NCKAP5: variants seen among roughly 807,000 people sequenced by gnomAD.
The protein encoded by NCKAP5 is NCK associated protein 5.
A neutral mutation model predicts 167.0 loss-of-function variants in NCKAP5; 92 were observed. That is an observed-to-expected ratio of 0.55 (90% CI 0.47 to 0.66). The LOEUF is 0.66. Ranked by LOEUF, NCKAP5 falls within the 30% of genes least tolerant of loss-of-function variation. The pLI is 0.00. For missense variants in NCKAP5, 2,378 were observed against 2,315.0 expected, an observed-to-expected ratio of 1.03 and a Z score of -0.56; for synonymous variants, 891 against 877.4, an observed-to-expected ratio of 1.02 and a Z score of -0.27.
At chr2:132,881,571 T>TTC (rs1491006185) in intron 8 of NCKAP5, among the ~76,000 whole-genome samples, 4 of 137,440 alleles carry the variant, frequency 2.9e-5, no homozygotes, top group Non-Finnish European at 6.4e-5. Context: ...TTTTTTTTTT[T>TTC]CCTTTCTGAG....
intron 12 of NCKAP5, among the ~76,000 whole-genome samples, chr2:132,791,182 C>T (rs1312298025): frequency 6.6e-6 from 1 of 152,238 alleles, no homozygotes. Flanking sequence ...TGGCATCATA[C>T]TAAGTCCACA....
intron 4 of NCKAP5, among the ~76,000 whole-genome samples, chr2:133,279,702 A>G (rs933308412): frequency 5.3e-5 from 8 of 152,244 alleles, no homozygotes; most frequent in Non-Finnish European, 1.2e-4. Context: ...CTTTTCAGCC[A>G]CAACTGAGCA....
intron 3 of NCKAP5, among the ~76,000 whole-genome samples, chr2:133,414,891 T>C (rs769189909): frequency 1.8e-4 from 27 of 152,246 alleles, no homozygotes; most frequent in Non-Finnish European, 3.1e-4. Flanking sequence ...TTAAATTACA[T>C]TTAAAATTCA....
At chr2:133,258,670 A>G (rs1029007031) in intron 4 of NCKAP5, among the ~76,000 whole-genome samples, 4 of 151,912 alleles carry the variant, frequency 2.6e-5, no homozygotes, top group African/African-American at 9.7e-5. Context: ...ACTTGAGCCC[A>G]GGGAGGTTGA....
chr2:132,849,618 A>G (rs903781300), intron 11 of NCKAP5, among the ~76,000 whole-genome samples: 18 of 152,192 alleles, frequency 1.2e-4, no homozygotes, highest in African/African-American at 4.3e-4. Flanking sequence ...AAAGGAAAGA[A>G]CTTCTGCATT....
rs373685968 is a variant in NCKAP5 at position 133,348,292 on chromosome 2, A to G, written c.70-45182T>C. ...GAAGTAAAAACTCATTCAAGTTTCA[A>G]ACAAGTGATCTTCAGAATATAACCA... On this transcript the variant is annotated intron_variant, in intron 3 of 19. Coordinates refer to ENST00000409261, the MANE Select transcript of NCKAP5 (RefSeq NM_207363.3). Among the ~76,000 whole-genome samples, 10 of 152,334 alleles carry G rather than the reference A, an allele frequency of 6.6e-5. No homozygotes were observed. The East Asian group carries it at 1.9e-3, about 29-fold the overall frequency.
At position 132,783,787 on chromosome 2, in the gene NCKAP5, AGGGTGAGTGAAGATAGGCTTTTTGAAG is replaced by A; in HGVS notation, c.2997_3023del (p.Phe1000_Pro1008del). On this transcript the variant is annotated inframe_deletion, in exon 14 of 20. Transcript: ENST00000409261. ...GAATGACTGCTTCTGGGGAGGGCAT[AGGGTGAGTGAAGATAGGCTTTTTGAAG>A]GCCACAGAAGGTTTCTTCCTCTGCA... 6.4e-7 allele frequency: 1 copy of A among 1,554,224 alleles called. No homozygotes were observed. Among genetic ancestry groups the A allele is most frequent in the Non-Finnish European group, 8.7e-7 (1 of 1,152,694 alleles).
At chr2:133,176,646 A>G (rs1295227627) in intron 5 of NCKAP5, among the ~76,000 whole-genome samples, 1 of 152,210 alleles carries the variant, frequency 6.6e-6, no homozygotes, top group Non-Finnish European at 1.5e-5. Flanking sequence ...CTAGTCTTTG[A>G]TTAGCAAACA....
chr2:132,762,508 C>T (rs1175280424), intron 16 of NCKAP5, among the ~76,000 whole-genome samples: 2 of 152,140 alleles, frequency 1.3e-5, no homozygotes, highest in East Asian at 1.9e-4. Flanking sequence ...TACTTTAGAG[C>T]AATAGGCCTT....
Position 132,783,048 on chromosome 2 carries a change from G to C in NCKAP5, c.3763C>G (p.Leu1255Val), listed in dbSNP as rs1230190354. The change falls in exon 14 of 20, where the codon CTT (leucine) becomes GTT (valine). Residue 1255 changes from leucine to valine, a missense_variant. By Grantham distance (32) the Leu-to-Val change is conservative. This residue lies in a region of NCKAP5 where 1,325 missense variants were observed against 1,274.5 expected (regional missense o/e 1.04). Transcript: ENST00000409261. ...TTTAGGTGTGGTTTGCTGGAGGAAA[G>C]GGATCTTCTCATGGATCTATTATCT... ...GVDNRSMRRSLSSSKPHLKPA... is the reference protein window; with the variant it reads ...GVDNRSMRRSVSSSKPHLKPA... 1.2e-6 allele frequency: 2 copies of C among 1,613,808 alleles called. No homozygotes were observed. Among genetic ancestry groups the C allele is most frequent in the Non-Finnish European group, 1.7e-6 (2 of 1,179,844 alleles).
intron 4 of NCKAP5, among the ~76,000 whole-genome samples, chr2:133,266,933 C>G (rs1236277474): frequency 1.3e-5 from 2 of 152,246 alleles, no homozygotes; most frequent in East Asian, 1.9e-4. Context: ...ATTCCCACCC[C>G]CTACCCACTC....
Position 133,427,910 on chromosome 2 carries a change from T to A in NCKAP5, c.69+89548A>T, listed in dbSNP as rs901528441. On this transcript the variant is annotated intron_variant, in intron 3 of 19. Transcript: ENST00000409261. ...TTCTGATGCATCTAGGAATAAATTT[T>A]ACCCAGATAGTTCAAAGAAGACCTA... 3.3e-5 allele frequency among the ~76,000 whole-genome samples: 5 copies of A among 152,140 alleles called. No homozygotes were observed. In the East Asian group the frequency reaches 7.7e-4, roughly 23 times the overall value.
At chr2:132,778,492 C>A (rs1682742948) in intron 15 of NCKAP5, among the ~76,000 whole-genome samples, 1 of 151,880 alleles carries the variant, frequency 6.6e-6, no homozygotes, top group South Asian at 2.1e-4. Context: ...ACTAAAAATG[C>A]CTTAGGACTC....
At chr2:133,147,712 T>G (rs2083249811) in intron 5 of NCKAP5, among the ~76,000 whole-genome samples, 1 of 152,068 alleles carries the variant, frequency 6.6e-6, no homozygotes, top group African/African-American at 2.4e-5. Context: ...TCCCCATGGG[T>G]ACACCCTGAC....
chr2:132,985,907 TTGTG>T (rs2077274067), intron 7 of NCKAP5, among the ~76,000 whole-genome samples: 1 of 152,308 alleles, frequency 6.6e-6, no homozygotes, highest in Admixed American at 6.5e-5. Flanking sequence ...TATAACCTTA[TTGTG>T]TATTAAAATG....
intron 3 of NCKAP5, among the ~76,000 whole-genome samples, chr2:133,477,031 C>A (rs1217321626): frequency 6.6e-6 from 1 of 152,206 alleles, no homozygotes; most frequent in Non-Finnish European, 1.5e-5. Flanking sequence ...TCTCACACAT[C>A]CGCTTTTGTT....
intron 3 of NCKAP5, among the ~76,000 whole-genome samples, chr2:133,376,714 C>G (rs150621327): frequency 2.8e-4 from 42 of 152,284 alleles, no homozygotes; most frequent in African/African-American, 9.4e-4. Context: ...CATTTGGGCC[C>G]TATGTGCCTT....
chr2:133,104,992 C>T (rs2081635131), intron 6 of NCKAP5, among the ~76,000 whole-genome samples: 1 of 152,216 alleles, frequency 6.6e-6, no homozygotes, highest in African/African-American at 2.4e-5. Flanking sequence ...CGCCTGCTCA[C>T]ACTCTCTCCC....
At chr2:133,317,923 G>C (rs1265952641) in intron 3 of NCKAP5, among the ~76,000 whole-genome samples, 2 of 152,160 alleles carry the variant, frequency 1.3e-5, no homozygotes, top group Non-Finnish European at 2.9e-5. Context: ...GAGGGCCTCT[G>C]CCTCCTGGAA....
Sources: allele counts gnomAD v4.1 joint callset (sites outside exome capture counted in the v4.1 genomes callset), GRCh38; gene constraint gnomAD v4.1.1; regional missense constraint gnomAD v4.1.1; transcripts MANE v1.5; gene names NCBI Gene and HGNC (gene_info 2026-07-23, HGNC 2026-07-21).